The following SLC26A4 variants were observed in gnomAD, a reference collection of about 807,000 sequenced individuals.
SLC26A4 encodes pendrin.
In SLC26A4, 93 loss-of-function variants were observed where a neutral mutation model predicts 90.4. That is an observed-to-expected ratio of 1.03 (90% CI 0.87 to 1.22). The LOEUF (loss-of-function observed/expected upper bound fraction) is 1.22. Among genes scored for constraint, SLC26A4 ranks in the 50% most tolerant of loss-of-function variants. The pLI, the probability that SLC26A4 is intolerant of heterozygous loss-of-function variation, is 0.00. For missense variants in SLC26A4, 1,127 were observed against 946.2 expected (o/e 1.19, Z -2.51); for synonymous variants, 393 against 354.6 (o/e 1.11, Z -1.22).
intron 14 of SLC26A4, among the ~76,000 whole-genome samples, chr7:107,698,947 A>G (rs1046580585): frequency 5.3e-5 from 8 of 152,238 alleles, no homozygotes; most frequent in South Asian, 2.1e-4. Context: ...AAAAAAGCAG[A>G]GAAAGTAAAT....
intron 8 of SLC26A4, among the ~76,000 whole-genome samples, chr7:107,686,336 A>ACTCCCTTTCCTCCCTTTCCTACCTTCC (rs1357359709): frequency 1.9e-5 from 1 of 52,494 alleles, no homozygotes; most frequent in African/African-American, 7.6e-5. Context: ...TCCTACCTGC[A>ACTCCCTTTCCTCCCTTTCCTACCTTCC]CTCCCTTTCC....
rs138476701 is a variant in SLC26A4 at position 107,708,953 on chromosome 7, G to A, written c.2090-1101G>A. On this transcript the variant is annotated intron_variant, in intron 18 of 20. Coordinates refer to ENST00000644269, the MANE Select transcript of SLC26A4 (RefSeq NM_000441.2). ...TTTCTTTATGAATGTATGTGTGTAG[G>A]AAAGTGCTAAGGCTTAGGTTGAATT... 6.3e-3 allele frequency among the ~76,000 whole-genome samples: 965 copies of A among 152,312 alleles called. 14 individuals carry two copies. Among genetic ancestry groups the A allele is most frequent in the African/African-American group, 0.022 (928 of 41,564 alleles).
chr7:107,696,180 A>G (rs1186334710), intron 13 of SLC26A4, 141 bp downstream of exon 13: 5 of 711,398 alleles, frequency 7.0e-6, no homozygotes, highest in Non-Finnish European at 1.3e-5. Context: ...TTAAGCAGAC[A>G]GTGTTTTACA....
At position 107,679,929 on chromosome 7, in the gene SLC26A4, CTTATTATATAATCTTA is replaced by C. The variant is rs1562826906; in HGVS notation, c.766-3271_766-3256del. On this transcript the variant is annotated intron_variant, in intron 6 of 20. Coordinates refer to ENST00000644269, the MANE Select transcript of SLC26A4 (RefSeq NM_000441.2). The stretch of plus-strand genomic sequence containing the variant: ...ATTATATGCTCTTATATAATATAAT[CTTATTATATAATCTTA>C]TCTTATATAATATAATCTTATTATA... 2.5e-4 allele frequency among the ~76,000 whole-genome samples: 34 copies of C among 134,312 alleles called. 1 individual carries two copies. The highest frequency in any genetic ancestry group is 8.2e-4 in the African/African-American group (29 of 35,426). The allele number at this position is 134,312 out of a possible 152,430, so 88.1% of individuals were successfully genotyped here.
Position 107,661,750 on chromosome 7 carries a change from G to A in SLC26A4, c.109G>A (p.Glu37Lys). The part of the protein sequence containing the change: ...YSELAFQQQH[E>K]RRLQERKTLR... ...CGAGCTCGCTTTCCAGCAACAGCAC[G>A]AGCGGCGCCTGCAGGAGCGCAAGAC... Residue 37 changes from glutamate to lysine, a missense_variant, in exon 2 of 21, where the codon GAG becomes AAG. Transcript: ENST00000644269. The surrounding 1 kb of genome is among the most constrained non-coding windows in gnomAD (Gnocchi z 5.1). The A allele has an allele frequency of 6.5e-7, 1 of 1,547,958 alleles. No individual in the cohort carries two copies. The highest frequency in any genetic ancestry group is 1.4e-5 in the African/African-American group (1 of 73,550).
chr7:107,671,273 C>G (rs1790859152), intron 3 of SLC26A4, among the ~76,000 whole-genome samples: 1 of 152,196 alleles, frequency 6.6e-6, no homozygotes, highest in Non-Finnish European at 1.5e-5. Flanking sequence ...AACAATCCTC[C>G]TGCCTCAGCC....
intron 13 of SLC26A4, among the ~76,000 whole-genome samples, chr7:107,697,758 G>A (rs1026453408): frequency 9.8e-5 from 15 of 152,294 alleles, no homozygotes; most frequent in South Asian, 4.1e-4. Flanking sequence ...TTTCACATGC[G>A]TGAAAGCTCT....
chr7:107,695,997 G>A lies in SLC26A4; in HGVS notation c.1502G>A (p.Gly501Asp), dbSNP rs1345930770. 1 of 1,612,540 alleles carries A rather than the reference G, an allele frequency of 6.2e-7. No homozygotes were observed. ...GGGCTGGATCTCGGTTTACTAGCTG[G>A]CCTTATATTTGGACTGTTGACTGTG... ...ILGLDLGLLA[G>D]LIFGLLTVVL... The change falls in exon 13 of 21, where the codon GGC (glycine) becomes GAC (aspartate). Residue 501 changes from glycine to aspartate, a missense_variant. By Grantham distance (94) the Gly-to-Asp change is moderately conservative. Coordinates refer to ENST00000644269, the MANE Select transcript of SLC26A4 (RefSeq NM_000441.2).
At chr7:107,667,971 A>T (rs1189554469) in intron 3 of SLC26A4, among the ~76,000 whole-genome samples, 10 of 152,052 alleles carry the variant, frequency 6.6e-5, no homozygotes, top group Non-Finnish European at 1.5e-4. Flanking sequence ...GGGCAGATTG[A>T]GGTAAGTAGG....
rs6942406 is a variant in SLC26A4 at position 107,713,909 on chromosome 7, G to T, written c.2319+1287G>T. On this transcript the variant is annotated intron_variant, in intron 20 of 20. Coordinates refer to ENST00000644269, the MANE Select transcript of SLC26A4 (RefSeq NM_000441.2). ...CTGACATAATTTTGTATTATTATTA[G>T]TATTATTATTATTATTATTATTTGT... Among the ~76,000 whole-genome samples, 362 of 149,120 alleles carry T rather than the reference G, an allele frequency of 2.4e-3. 2 individuals carry two copies. Among genetic ancestry groups the T allele is most frequent in the South Asian group, 0.01 (49 of 4,718 alleles).
At chr7:107,689,974 C>A (rs1350703411) in intron 9 of SLC26A4, 150 bp from the exon 10 acceptor site, 1 of 697,822 alleles carries the variant, frequency 1.4e-6, no homozygotes. Flanking sequence ...GTACAAGGAC[C>A]CCAAGTACCT....
chr7:107,700,229 C>T, intron 15 of SLC26A4, 54 bp downstream of exon 15: 1 of 890,352 alleles, frequency 1.1e-6, no homozygotes, highest in Non-Finnish European at 1.9e-6. Context: ...AGACTTCATT[C>T]ATTCTACAAG....
rs1462894785 is a variant in SLC26A4 at position 107,696,903 on chromosome 7, GAA to G, written c.1544+865_1544+866del. 3.3e-5 allele frequency among the ~76,000 whole-genome samples: 5 copies of G among 152,274 alleles called. No homozygotes were observed. The South Asian group carries it at 6.2e-4, about 19-fold the overall frequency. On this transcript the variant is annotated intron_variant, in intron 13 of 20. Coordinates refer to ENST00000644269, the MANE Select transcript of SLC26A4 (RefSeq NM_000441.2). ...TGCCTGTGCTTGGGCCGTGAAAGAAGAAGACACCTGGAAAAACATCAAGATAG... is the reference window on the plus strand; with the variant it reads ...TGCCTGTGCTTGGGCCGTGAAAGAAGGACACCTGGAAAAACATCAAGATAG...
chr7:107,669,306 CT>C lies in SLC26A4; in HGVS notation c.305-2829del, dbSNP rs575767821. ...ATTTTAAAACTGTTGTACCAAGTTTCTTTATAATAAAGATGATTCCAGTATA... is the reference window on the plus strand; with the variant it reads ...ATTTTAAAACTGTTGTACCAAGTTTCTTATAATAAAGATGATTCCAGTATA... On this transcript the variant is annotated intron_variant, in intron 3 of 20. Coordinates refer to ENST00000644269, the MANE Select transcript of SLC26A4 (RefSeq NM_000441.2). 3.8e-3 allele frequency among the ~76,000 whole-genome samples: 586 copies of C among 152,244 alleles called. 3 individuals are homozygous for C. The highest frequency in any genetic ancestry group is 0.014 in the African/African-American group (566 of 41,538).
At position 107,674,288 on chromosome 7, in the gene SLC26A4, T is replaced by A; in HGVS notation, c.540T>A (p.Ala180=). ...VLNTTMIDTA[A]RDTARVLIAS... ...ATACTACTATGATAGACACTGCAGC[T>A]AGAGATACAGCTAGAGTCCTGATTG... is the stretch of plus-strand genomic sequence containing the variant. Residue 180 remains alanine (A), a synonymous_variant, in exon 5 of 21, where the codon GCT becomes GCA. Transcript: ENST00000644269. The A allele has an allele frequency of 6.2e-7, 1 of 1,613,728 alleles. No individual in the cohort carries two copies. Among genetic ancestry groups the A allele is most frequent in the Non-Finnish European group, 8.5e-7 (1 of 1,179,650 alleles).
At chr7:107,713,934 T>G (rs1315829240) in intron 20 of SLC26A4, among the ~76,000 whole-genome samples, 1 of 151,790 alleles carries the variant, frequency 6.6e-6, no homozygotes, top group Non-Finnish European at 1.5e-5. Context: ...TTATTATTTG[T>G]GACTGAGTCT....
At position 107,689,149 on chromosome 7, in the gene SLC26A4, A is replaced by G; in HGVS notation, c.1098A>G (p.Ser366=). 1.2e-6 allele frequency: 2 copies of G among 1,613,876 alleles called. No individual in the cohort carries two copies. The highest frequency in any genetic ancestry group is 2.2e-5 in the South Asian group (2 of 91,074). ...IAVVAYAIAV[S]VGKVYATKYD... is the part of the protein sequence containing the mutation. ...TGGTGGCTTATGCTATTGCAGTGTC[A>G]GTAGGAAAAGTATATGCCACCAAGT... Residue 366 remains serine, a synonymous_variant, in exon 9 of 21, where the codon TCA becomes TCG. Coordinates refer to ENST00000644269, the MANE Select transcript of SLC26A4 (RefSeq NM_000441.2).
chr7:107,673,120 T>C lies in SLC26A4; in HGVS notation c.415+872T>C, dbSNP rs542061037. Among the ~76,000 whole-genome samples the C allele has an allele frequency of 5.9e-5, 9 of 152,282 alleles. No individual in the cohort carries two copies. In the South Asian group the frequency reaches 1.7e-3, roughly 28 times the overall value. On this transcript the variant is annotated intron_variant, in intron 4 of 20. Transcript: ENST00000644269. ...TGAGTGCTTGACTAGATGAGGAACA[T>C]GGAAGCTGGTTTTTCTCTTTGGTAT...
intron 3 of SLC26A4, among the ~76,000 whole-genome samples, chr7:107,666,029 G>C (rs113008385): frequency 2.6e-3 from 395 of 152,238 alleles, no homozygotes; most frequent in Non-Finnish European, 4.8e-3. Context: ...CTGTAGACCA[G>C]GTATCCAGCC....
Sources: allele counts gnomAD v4.1 joint callset (sites outside exome capture counted in the v4.1 genomes callset), GRCh38; gene constraint gnomAD v4.1.1; non-coding constraint Gnocchi (gnomAD v3.1); transcripts MANE v1.5; gene names NCBI Gene and HGNC (gene_info 2026-07-23, HGNC 2026-07-21).